Variants in GRIK1 observed in about 807,000 individuals in gnomAD.
The protein encoded by GRIK1 is glutamate receptor ionotropic, kainate 1.
GRIK1 carries 69 observed loss-of-function variants against 105.7 expected under a neutral mutation model. The observed-to-expected ratio is 0.65, with a 90% confidence interval of 0.54 to 0.80. The LOEUF (loss-of-function observed/expected upper bound fraction) is 0.80. Among genes scored for constraint, GRIK1 ranks in the 30% least tolerant of loss-of-function variants. GRIK1 has a pLI of 0.00. For missense variants in GRIK1, 1,109 were observed against 1,167.3 expected (o/e 0.95, Z 0.73); for synonymous variants, 438 against 431.3 (o/e 1.02, Z -0.19).
intron 1 of GRIK1, among the ~76,000 whole-genome samples, chr21:29,698,307 G>T (rs80217842): frequency 1.5e-3 from 223 of 152,238 alleles, no homozygotes; most frequent in African/African-American, 5.1e-3. Flanking sequence ...ACCATGGAAG[G>T]GTTAGGAAAT....
intron 1 of GRIK1, among the ~76,000 whole-genome samples, chr21:29,696,787 G>T (rs1480179450): frequency 1.3e-5 from 2 of 152,196 alleles, no homozygotes; most frequent in Admixed American, 6.5e-5. Flanking sequence ...TCAATCACTG[G>T]CATGGATGTG....
intron 1 of GRIK1, among the ~76,000 whole-genome samples, chr21:29,729,131 C>T (rs1306044114): frequency 6.6e-6 from 1 of 152,124 alleles, no homozygotes; most frequent in Non-Finnish European, 1.5e-5. Context: ...GCTTCCTTGA[C>T]TCATAATGTG....
At chr21:29,592,187 A>G (rs2061343150) in intron 9 of GRIK1, among the ~76,000 whole-genome samples, 2 of 152,222 alleles carry the variant, frequency 1.3e-5, no homozygotes, top group South Asian at 4.1e-4. Context: ...GAGCCCTAGC[A>G]GGACTCTGTT....
intron 1 of GRIK1, among the ~76,000 whole-genome samples, chr21:29,869,969 G>C (rs1472781252): frequency 6.6e-6 from 1 of 152,044 alleles, no homozygotes; most frequent in Non-Finnish European, 1.5e-5. Context: ...GTCAGGTTGA[G>C]CAAATAAACA....
At chr21:29,657,442 T>G (rs991308975) in intron 4 of GRIK1, 1 of 152,208 alleles carries the variant, frequency 6.6e-6, no homozygotes, top group African/African-American at 2.4e-5. Context: ...GAAAGAGATA[T>G]TAAAATGCAG....
At chr21:29,587,678 A>C in intron 11 of GRIK1, 89 bp from the exon 12 acceptor site, 2 of 701,874 alleles carry the variant, frequency 2.8e-6, no homozygotes, top group Non-Finnish European at 4.8e-6. Flanking sequence ...TCTTATTCTC[A>C]ACTCTAAATG....
At chr21:29,734,837 A>G (rs1412677454) in intron 1 of GRIK1, among the ~76,000 whole-genome samples, 1 of 151,934 alleles carries the variant, frequency 6.6e-6, no homozygotes, top group Non-Finnish European at 1.5e-5. Context: ...TTTTGCTCTC[A>G]TCTGTTTTGC....
intron 1 of GRIK1, among the ~76,000 whole-genome samples, chr21:29,891,733 T>C (rs2146222719): frequency 6.6e-6 from 1 of 152,324 alleles, no homozygotes; most frequent in East Asian, 1.9e-4. Context: ...TTTTATTATT[T>C]CTTTTGAAAT....
intron 7 of GRIK1, among the ~76,000 whole-genome samples, chr21:29,620,674 G>A (rs984266295): frequency 3.3e-5 from 5 of 150,326 alleles, no homozygotes; most frequent in African/African-American, 1.2e-4. Context: ...AAAAAGCTGT[G>A]AGGTGATGTT....
chr21:29,560,291 C>CTT, intron 15 of GRIK1, among the ~76,000 whole-genome samples: 1 of 77,398 alleles, frequency 1.3e-5, no homozygotes, highest in East Asian at 3.2e-4. Flanking sequence ...TTCTTTCTTT[C>CTT]TTTCTTTCTT....
At position 29,555,260 on chromosome 21, in the gene GRIK1, A is replaced by G; in HGVS notation, c.2399T>C (p.Leu800Pro). 1 of 1,613,056 alleles carries G rather than the reference A, an allele frequency of 6.2e-7. No homozygotes were observed. Among genetic ancestry groups the G allele is most frequent in the Non-Finnish European group, 8.5e-7 (1 of 1,179,136 alleles). The change falls in exon 16 of 18, where the codon CTC becomes CCC. Residue 800 changes from leucine to proline, a missense_variant. By Grantham distance (98) the Leu-to-Pro change is moderately conservative. This residue lies in a region of GRIK1 where 18 missense variants were observed against 42.8 expected (regional missense o/e 0.42). Transcript: ENST00000327783. The part of the protein sequence containing the change: ...RDKITIAILQ[L>P]QEEGKLHMMK... ...CATATGCAGCTTCCCTTCTTCTTGGAGTTGAAGAATAGCAATAGTAATTTT... is the reference window on the plus strand; with the variant it reads ...CATATGCAGCTTCCCTTCTTCTTGGGGTTGAAGAATAGCAATAGTAATTTT...
At chr21:29,568,147 G>A (rs947755) in intron 14 of GRIK1, among the ~76,000 whole-genome samples, 17,392 of 152,216 alleles carry the variant, frequency 0.11, 1,251 homozygotes, top group African/African-American at 0.2. Flanking sequence ...GAAAAAGGTT[G>A]AATTGACCTC....
At chr21:29,643,659 C>T (rs1176977402) in intron 6 of GRIK1, among the ~76,000 whole-genome samples, 1 of 152,208 alleles carries the variant, frequency 6.6e-6, no homozygotes, top group African/African-American at 2.4e-5. Context: ...TTCCCTTCCT[C>T]ATGAAATTCC....
At chr21:29,659,803 A>T (rs904356633) in intron 4 of GRIK1, among the ~76,000 whole-genome samples, 1 of 152,222 alleles carries the variant, frequency 6.6e-6, no homozygotes, top group Non-Finnish European at 1.5e-5. Flanking sequence ...TCTACTAAAA[A>T]TACAAAAAAT....
intron 1 of GRIK1, among the ~76,000 whole-genome samples, chr21:29,886,836 CTG>C (rs2069649235): frequency 6.6e-6 from 1 of 152,050 alleles, no homozygotes; most frequent in African/African-American, 2.4e-5. Context: ...AGGAGAAGAA[CTG>C]TGAGTTATGA....
chr21:29,873,515 T>G (rs2069090197), intron 1 of GRIK1, among the ~76,000 whole-genome samples: 2 of 152,194 alleles, frequency 1.3e-5, no homozygotes, highest in South Asian at 4.1e-4. Context: ...GGGTTAAATA[T>G]TATAATGTGT....
At chr21:29,752,839 A>C (rs971185903) in intron 1 of GRIK1, among the ~76,000 whole-genome samples, 1 of 152,206 alleles carries the variant, frequency 6.6e-6, no homozygotes, top group African/African-American at 2.4e-5. Context: ...CCCTGCCTCC[A>C]AAAAAATAAA....
At chr21:29,762,938 C>T (rs73897818) in intron 1 of GRIK1, among the ~76,000 whole-genome samples, 14,038 of 152,192 alleles carry the variant, frequency 0.092, 684 homozygotes, top group Admixed American at 0.12. Flanking sequence ...AATGAGAAAA[C>T]GATGTAAAGC....
intron 1 of GRIK1, among the ~76,000 whole-genome samples, chr21:29,850,986 G>A (rs897882723): frequency 5.3e-5 from 8 of 152,010 alleles, no homozygotes; most frequent in African/African-American, 1.9e-4. Flanking sequence ...ATTACTGTCA[G>A]TCTGTACAAA....
Sources: allele counts gnomAD v4.1 joint callset (sites outside exome capture counted in the v4.1 genomes callset), GRCh38; gene constraint gnomAD v4.1.1; regional missense constraint gnomAD v4.1.1; transcripts MANE v1.5; gene names NCBI Gene and HGNC (gene_info 2026-07-23, HGNC 2026-07-21).